RANBP17: variants seen among roughly 807,000 people sequenced by gnomAD.
RANBP17 encodes the protein ran-binding protein 17.
RANBP17 carries 158 observed loss-of-function variants against 141.2 expected under a neutral mutation model. The ratio of observed to expected loss-of-function variants is 1.12; its 90% CI spans 0.98 to 1.28. The LOEUF is 1.28. RANBP17 is among the 50% of genes most tolerant of loss of function. RANBP17 has a pLI of 0.00. For synonymous variants in RANBP17, 430 were observed against 450.0 expected (o/e 0.96, Z 0.56); for missense variants, 1,438 against 1,290.7 (o/e 1.11, Z -1.75).
At chr5:171,030,232 A>T (rs1038480052) in intron 14 of RANBP17, among the ~76,000 whole-genome samples, 3 of 152,100 alleles carry the variant, frequency 2.0e-5, no homozygotes, top group African/African-American at 7.2e-5. Context: ...ATTCAAAAAC[A>T]TCTATACTAG....
intron 14 of RANBP17, among the ~76,000 whole-genome samples, chr5:171,018,381 A>G (rs1780602190): frequency 6.6e-6 from 1 of 152,154 alleles, no homozygotes; most frequent in East Asian, 1.9e-4. Flanking sequence ...GATTCTTCCT[A>G]TCCGTGAGGA....
intron 18 of RANBP17, among the ~76,000 whole-genome samples, chr5:171,190,644 G>T (rs2127939397): frequency 6.6e-6 from 1 of 152,158 alleles, no homozygotes; most frequent in East Asian, 1.9e-4. Flanking sequence ...CTAAAGGAAA[G>T]ATAGTATTAC....
At chr5:170,901,667 C>T (rs1581100443) in intron 5 of RANBP17, among the ~76,000 whole-genome samples, 1 of 152,156 alleles carries the variant, frequency 6.6e-6, no homozygotes, top group Non-Finnish European at 1.5e-5. Context: ...ACCAGTTTTT[C>T]CTTTCCATAT....
chr5:170,943,851 C>T (rs557805280), intron 12 of RANBP17, among the ~76,000 whole-genome samples: 5 of 152,244 alleles, frequency 3.3e-5, no homozygotes, highest in African/African-American at 1.2e-4. Flanking sequence ...TATCACCTTC[C>T]ATAGTTACCA....
intron 14 of RANBP17, among the ~76,000 whole-genome samples, chr5:170,995,766 A>G (rs1292465181): frequency 6.6e-6 from 1 of 152,166 alleles, no homozygotes; most frequent in African/African-American, 2.4e-5. Flanking sequence ...TACATGATTG[A>G]TGTTTTGCAT....
intron 14 of RANBP17, among the ~76,000 whole-genome samples, chr5:171,136,320 A>G (rs1757274703): frequency 6.6e-6 from 1 of 152,124 alleles, no homozygotes; most frequent in African/African-American, 2.4e-5. Context: ...TATCAACTGG[A>G]TGTTCATGTT....
intron 14 of RANBP17, among the ~76,000 whole-genome samples, chr5:171,021,620 A>G (rs866480441): frequency 5.3e-5 from 8 of 152,300 alleles, no homozygotes; most frequent in Middle Eastern, 3.4e-3. Flanking sequence ...CAGCTCCATC[A>G]GGTCATTTAT....
intron 14 of RANBP17, among the ~76,000 whole-genome samples, chr5:171,111,922 G>C (rs1485027162): frequency 6.6e-6 from 1 of 152,082 alleles, no homozygotes; most frequent in East Asian, 1.9e-4. Context: ...CTAGTGCCCA[G>C]AAAAATGGCA....
At chr5:170,911,531 G>T in intron 7 of RANBP17, 2 of 726,080 alleles carry the variant, frequency 2.8e-6, no homozygotes, top group South Asian at 1.4e-5. Flanking sequence ...ATCTGGTAAT[G>T]AAGGTCTTGA....
chr5:171,101,188 A>G (rs1359800966), intron 14 of RANBP17, among the ~76,000 whole-genome samples: 2 of 152,178 alleles, frequency 1.3e-5, no homozygotes, highest in African/African-American at 4.8e-5. Flanking sequence ...TCTAATATTG[A>G]CAGTGGAGTG....
chr5:170,986,708 G>T lies in RANBP17; in HGVS notation c.1710+18331G>T, dbSNP rs147563998. Among the ~76,000 whole-genome samples, 1,463 of 151,930 alleles carry T rather than the reference G, an allele frequency of 9.6e-3. 13 individuals carry two copies. Among genetic ancestry groups the T allele is most frequent in the South Asian group, 0.024 (116 of 4,814 alleles). On this transcript the variant is annotated intron_variant, in intron 14 of 27. Coordinates refer to ENST00000523189, the MANE Select transcript of RANBP17 (RefSeq NM_022897.5). ...CTTTCAAGCTTTATCTGTGTATATG[G>T]ATTTCTAAATTGTTTTGTGTAATTA...
intron 3 of RANBP17, among the ~76,000 whole-genome samples, chr5:170,883,003 G>C (rs556413752): frequency 2.6e-5 from 4 of 152,220 alleles, no homozygotes; most frequent in Non-Finnish European, 5.9e-5. Context: ...AAAATGTATT[G>C]TATGTGATGG....
intron 16 of RANBP17, among the ~76,000 whole-genome samples, chr5:171,180,264 C>A (rs1760787588): frequency 6.6e-6 from 1 of 152,176 alleles, no homozygotes; most frequent in African/African-American, 2.4e-5. Context: ...GGAGAACTAG[C>A]CTCTTTAAAA....
At chr5:171,030,941 C>G (rs1230171494) in intron 14 of RANBP17, among the ~76,000 whole-genome samples, 1 of 151,960 alleles carries the variant, frequency 6.6e-6, no homozygotes, top group Non-Finnish European at 1.5e-5. Context: ...ATCTTTCCTA[C>G]TTTTTTTCCT....
At chr5:171,104,532 G>A (rs1754638114) in intron 14 of RANBP17, among the ~76,000 whole-genome samples, 1 of 152,160 alleles carries the variant, frequency 6.6e-6, no homozygotes, top group Non-Finnish European at 1.5e-5. Context: ...TTGAGTAACA[G>A]TTATACCTCT....
At chr5:170,885,868 CTTTT>C (rs33975152) in intron 3 of RANBP17, among the ~76,000 whole-genome samples, 1 of 139,364 alleles carries the variant, frequency 7.2e-6, no homozygotes, top group Non-Finnish European at 1.6e-5. Context: ...CACTCTCCAC[CTTTT>C]TTTTTTTTTT....
intron 14 of RANBP17, among the ~76,000 whole-genome samples, chr5:171,051,201 AT>A (rs1406742149): frequency 3.2e-4 from 48 of 152,086 alleles, no homozygotes; most frequent in Non-Finnish European, 8.8e-5. Context: ...AAGTTTATGT[AT>A]TTTGCTGAAC....
chr5:171,025,057 T>G (rs925559081), intron 14 of RANBP17, among the ~76,000 whole-genome samples: 1 of 152,220 alleles, frequency 6.6e-6, no homozygotes, highest in African/African-American at 2.4e-5. Flanking sequence ...ACTCTGGAAT[T>G]CATCAGTGTA....
chr5:171,066,554 T>C (rs2127684931), intron 14 of RANBP17, among the ~76,000 whole-genome samples: 1 of 152,352 alleles, frequency 6.6e-6, no homozygotes, highest in South Asian at 2.1e-4. Flanking sequence ...CCACATTTTC[T>C]TTATCCATTC....
Sources: gnomAD v4.1 joint callset for allele counts (sites outside exome capture counted in the v4.1 genomes callset) on GRCh38, gnomAD v4.1.1 for gene constraint, MANE v1.5 for transcripts, NCBI Gene and HGNC (gene_info 2026-07-23, HGNC 2026-07-21) for gene names.